Variants in CGGBP1 observed in about 807,000 individuals in gnomAD.
CGGBP1 encodes the protein CGG triplet repeat binding protein 1.
In CGGBP1, 4 loss-of-function variants were observed where a neutral mutation model predicts 11.4. The observed-to-expected ratio is 0.35, with a 90% CI of 0.17 to 0.80. The LOEUF (loss-of-function observed/expected upper bound fraction) is 0.80. Ranked by LOEUF, CGGBP1 falls within the 30% of genes least tolerant of loss-of-function variation. The pLI, the probability that CGGBP1 is intolerant of heterozygous loss-of-function variation, is 0.52. For synonymous variants in CGGBP1, 76 were observed against 74.1 expected, an observed-to-expected ratio of 1.03 and a Z score of -0.13; for missense variants, 135 against 202.1, an observed-to-expected ratio of 0.67 and a Z score of 2.01.
chr3:88,115,387 G>A (rs915824468), intron 2 of CGGBP1, among the ~76,000 whole-genome samples: 1 of 152,154 alleles, frequency 6.6e-6, no homozygotes, highest in Non-Finnish European at 1.5e-5. Flanking sequence ...TTGTAAAATG[G>A]AGGCAATAAC....
At chr3:88,126,404 A>T in intron 2 of CGGBP1, 1 of 1,037,728 alleles carries the variant, frequency 9.6e-7, no homozygotes, top group East Asian at 3.1e-5. Context: ...TTTCACATGA[A>T]AAGTGTTTGT....
chr3:88,135,635 C>T (rs1209539871), intron 2 of CGGBP1: 1 of 152,298 alleles, frequency 6.6e-6, no homozygotes, highest in Non-Finnish European at 1.5e-5. Flanking sequence ...AACTTAAGGA[C>T]AAAGTTTTTA....
At chr3:88,119,857 A>G (rs1458035047) in intron 2 of CGGBP1, among the ~76,000 whole-genome samples, 1 of 152,198 alleles carries the variant, frequency 6.6e-6, no homozygotes, top group Non-Finnish European at 1.5e-5. Flanking sequence ...ACTACCAACT[A>G]ATTTTGAAAT....
chr3:88,054,072 G>C lies in CGGBP1; in HGVS notation c.*1401C>G, dbSNP rs1706487229. 1 of 152,390 alleles carries C rather than the reference G, an allele frequency of 6.6e-6. No homozygotes were observed. Among genetic ancestry groups the C allele is most frequent in the African/African-American group, 2.4e-5 (1 of 41,408 alleles). The allele number at this position is 152,390 out of a possible 1,614,324, so 9.4% of individuals were successfully genotyped here. A position where few individuals can be genotyped will look rare whatever the true frequency, so the allele number is the denominator to read the frequency against. On this transcript the variant is annotated 3_prime_UTR_variant, in exon 4 of 4. Transcript: ENST00000482016. ...ACACAATCTAACTTTTTTTCACTTT[G>C]GCTTTTTCTTTTATAAATGAAGATT...
At chr3:88,116,948 C>T (rs1238455140) in intron 2 of CGGBP1, among the ~76,000 whole-genome samples, 1 of 152,068 alleles carries the variant, frequency 6.6e-6, no homozygotes, top group Non-Finnish European at 1.5e-5. Flanking sequence ...GGATAAATAC[C>T]TCAGTTATCA....
intron 2 of CGGBP1, among the ~76,000 whole-genome samples, chr3:88,066,062 A>T (rs1187008009): frequency 3.9e-5 from 6 of 152,228 alleles, no homozygotes; most frequent in Admixed American, 3.9e-4. Context: ...ACAAATAGAT[A>T]CAAGATTATT....
rs181003493 is a variant in CGGBP1 at position 88,108,947 on chromosome 3, C to T, written c.-229+32023G>A. On this transcript the variant is annotated intron_variant, in intron 2 of 3. Transcript: ENST00000462901. Reference sequence around the variant, plus strand: ...CTAGTTTTACTGTCACACCTCAAACCGCAAAATTTAAAGCCACATGGTGCA... The same window carrying T: ...CTAGTTTTACTGTCACACCTCAAACTGCAAAATTTAAAGCCACATGGTGCA... 4.3e-3 allele frequency among the ~76,000 whole-genome samples: 657 copies of T among 152,096 alleles called. 16 individuals carry two copies. Among genetic ancestry groups the T allele is most frequent in the Non-Finnish European group, 1.0e-3 (69 of 67,998 alleles).
intron 1 of CGGBP1, chr3:88,149,606 C>T (rs1707371028): frequency 6.4e-6 from 1 of 155,532 alleles, no homozygotes; most frequent in African/African-American, 2.4e-5. Context: ...TCAAGCGCTC[C>T]CGGGGGCCCG....
intron 2 of CGGBP1, among the ~76,000 whole-genome samples, chr3:88,137,194 CAA>C (rs11401199): frequency 2.6e-3 from 181 of 70,712 alleles, no homozygotes; most frequent in African/African-American, 0.011. Context: ...GACTCTGTCT[CAA>C]AAAAAAAAAA....
intron 2 of CGGBP1, among the ~76,000 whole-genome samples, chr3:88,110,867 A>G (rs151116854): frequency 1.3e-5 from 2 of 152,170 alleles, no homozygotes; most frequent in Non-Finnish European, 2.9e-5. Flanking sequence ...TCTAAGGAAA[A>G]GGTTTGATGT....
chr3:88,139,591 A>G, intron 2 of CGGBP1: 1 of 1,613,728 alleles, frequency 6.2e-7, no homozygotes, highest in African/African-American at 1.3e-5. Flanking sequence ...TTGGAAGTGG[A>G]GACACTTACT....
chr3:88,111,315 C>T (rs1465629649), intron 2 of CGGBP1, among the ~76,000 whole-genome samples: 1 of 151,908 alleles, frequency 6.6e-6, no homozygotes, highest in Admixed American at 6.6e-5. Flanking sequence ...TTCTTATTTA[C>T]CCTTTGCAGA....
intron 2 of CGGBP1, among the ~76,000 whole-genome samples, chr3:88,080,580 TCAAACCTA>T (rs1708026777): frequency 1.3e-5 from 2 of 152,176 alleles, no homozygotes; most frequent in South Asian, 4.1e-4. Context: ...GAGCTGGAAT[TCAAACCTA>T]GGTCTGTCTG....
intron 2 of CGGBP1, among the ~76,000 whole-genome samples, chr3:88,080,665 T>A (rs1001178842): frequency 6.6e-6 from 1 of 151,688 alleles, no homozygotes; most frequent in Non-Finnish European, 1.5e-5. Flanking sequence ...ATCTGACTCT[T>A]AACCATAATA....
Position 88,077,639 on chromosome 3 carries a change from G to A in CGGBP1, c.-228-19416C>T, listed in dbSNP as rs546027953. ...AAAATTATACTGCTTCTGAGATAGGGAAACCTTTTCAAAATAACACATAGG... is the reference window on the plus strand; with the variant it reads ...AAAATTATACTGCTTCTGAGATAGGAAAACCTTTTCAAAATAACACATAGG... On this transcript the variant is annotated intron_variant, in intron 2 of 3. Coordinates refer to the CGGBP1 transcript ENST00000462901. 3.7e-4 allele frequency among the ~76,000 whole-genome samples: 56 copies of A among 152,184 alleles called. 1 individual carries two copies. The highest frequency in any genetic ancestry group is 8.5e-4 in the Admixed American group (13 of 15,288).
rs972131459 is a variant in CGGBP1, at chr3:88,053,515, A to T, written c.*1958T>A. On this transcript the variant is annotated 3_prime_UTR_variant, in exon 4 of 4. Transcript: ENST00000482016. ...GAATTATTGATGTTTTTCTAATGCA[A>T]CATCATCCAGTTTACTGCTTAGGAC... 2.0e-5 allele frequency: 3 copies of T among 152,176 alleles called. No individual in the cohort carries two copies. The highest frequency in any genetic ancestry group is 1.5e-5 in the Non-Finnish European group (1 of 67,984). The allele number at this position is 152,176 out of a possible 1,614,324, so 9.4% of individuals were successfully genotyped here. A position where few individuals can be genotyped will look rare whatever the true frequency, so the allele number is the denominator to read the frequency against.
intron 2 of CGGBP1, among the ~76,000 whole-genome samples, chr3:88,137,298 C>T (rs1576352791): frequency 6.7e-6 from 1 of 149,138 alleles, no homozygotes; most frequent in Non-Finnish European, 1.5e-5. Flanking sequence ...TCTGAAAAAT[C>T]TAGGTAGTAA....
intron 2 of CGGBP1, among the ~76,000 whole-genome samples, chr3:88,109,253 C>T (rs1704942518): frequency 6.6e-6 from 1 of 150,978 alleles, no homozygotes; most frequent in South Asian, 2.1e-4. Context: ...AGATTAAGTG[C>T]ATTAGAATAG....
intron 2 of CGGBP1, among the ~76,000 whole-genome samples, chr3:88,130,524 T>C (rs779880175): frequency 2.0e-5 from 3 of 152,024 alleles, no homozygotes; most frequent in Non-Finnish European, 4.4e-5. Context: ...CGATCATGGC[T>C]CACTGCAGCC....
Sources: gnomAD v4.1 joint callset for allele counts (sites outside exome capture counted in the v4.1 genomes callset) on GRCh38, gnomAD v4.1.1 for gene constraint, MANE v1.5 for transcripts, NCBI Gene and HGNC (gene_info 2026-07-23, HGNC 2026-07-21) for gene names.